Variants in ESRRG observed in about 807,000 individuals in gnomAD.
The protein encoded by ESRRG is estrogen related receptor gamma, also known as estrogen-related receptor gamma.
Under a neutral mutation model 44.0 loss-of-function variants are expected in ESRRG, and 13 were observed. The observed-to-expected ratio is 0.30, with a 90% confidence interval of 0.19 to 0.47. ESRRG has a LOEUF of 0.47. Among genes scored for constraint, ESRRG ranks in the 20% least tolerant of loss-of-function variants. The pLI is 1.00. For synonymous variants in ESRRG, 215 were observed against 214.6 expected, an observed-to-expected ratio of 1.00 and a Z score of -0.02; for missense variants, 395 against 580.6, an observed-to-expected ratio of 0.68 and a Z score of 3.29.
intron 3 of ESRRG, among the ~76,000 whole-genome samples, chr1:216,572,475 A>G (rs1412678300): frequency 6.6e-6 from 1 of 152,106 alleles, no homozygotes; most frequent in Non-Finnish European, 1.5e-5. Context: ...CAATAATGTT[A>G]TTTTAAATGG....
intron 1 of ESRRG, among the ~76,000 whole-genome samples, chr1:217,031,264 G>A (rs7522101): frequency 6.6e-5 from 10 of 152,160 alleles, no homozygotes; most frequent in African/African-American, 1.9e-4. Flanking sequence ...TCCAGAGTTC[G>A]GGTACTACAG....
chr1:217,125,340 C>A (rs151305808), intron 1 of ESRRG, among the ~76,000 whole-genome samples: 4 of 152,272 alleles, frequency 2.6e-5, no homozygotes, highest in African/African-American at 9.6e-5. Flanking sequence ...TACCATAGTC[C>A]TCTCTCAGAT....
intron 3 of ESRRG, among the ~76,000 whole-genome samples, chr1:216,577,487 C>A (rs2061894767): frequency 6.6e-6 from 1 of 151,926 alleles, no homozygotes; most frequent in Admixed American, 6.6e-5. Flanking sequence ...TCTACTAATT[C>A]ACAATTAAAT....
At chr1:216,866,976 A>C (rs2096175898) in intron 2 of ESRRG, among the ~76,000 whole-genome samples, 1 of 152,122 alleles carries the variant, frequency 6.6e-6, no homozygotes, top group African/African-American at 2.4e-5. Flanking sequence ...CATTTTCTTC[A>C]TCAGTCTTCA....
intron 2 of ESRRG, among the ~76,000 whole-genome samples, chr1:216,904,467 C>T (rs2059460639): frequency 6.6e-6 from 1 of 152,164 alleles, no homozygotes; most frequent in Admixed American, 6.5e-5. Context: ...TTGAAAAGCG[C>T]ACTTAGCGTC....
intron 2 of ESRRG, among the ~76,000 whole-genome samples, chr1:216,656,553 T>C (rs1405306222): frequency 1.3e-5 from 2 of 152,204 alleles, no homozygotes; most frequent in Non-Finnish European, 2.9e-5. Flanking sequence ...ACAGGGTGTA[T>C]GTAAAACTCC....
At chr1:217,025,479 A>T (rs1225285354) in intron 1 of ESRRG, among the ~76,000 whole-genome samples, 1 of 152,208 alleles carries the variant, frequency 6.6e-6, no homozygotes, top group Non-Finnish European at 1.5e-5. Context: ...ATTGGGAAAA[A>T]AGTATATGCA....
chr1:216,935,981 T>C (rs868717610), intron 2 of ESRRG, among the ~76,000 whole-genome samples: 6 of 152,032 alleles, frequency 3.9e-5, no homozygotes, highest in Non-Finnish European at 7.4e-5. Context: ...AATCTTCAGC[T>C]TCTCTCCCCT....
At chr1:216,511,165 TAAGGA>T in intron 6 of ESRRG, among the ~76,000 whole-genome samples, 1 of 152,040 alleles carries the variant, frequency 6.6e-6, no homozygotes, top group East Asian at 1.9e-4. Flanking sequence ...AGATGGGTAG[TAAGGA>T]AAGGGTGAAT....
At chr1:216,776,614 C>A (rs1231914428) in intron 2 of ESRRG, among the ~76,000 whole-genome samples, 2 of 152,104 alleles carry the variant, frequency 1.3e-5, no homozygotes, top group East Asian at 3.9e-4. Flanking sequence ...AGGTCAAGAT[C>A]CATTCAAATA....
At chr1:216,778,507 G>T (rs1308731981) in intron 2 of ESRRG, among the ~76,000 whole-genome samples, 1 of 151,874 alleles carries the variant, frequency 6.6e-6, no homozygotes, top group Admixed American at 6.6e-5. Context: ...GACAGTCAGG[G>T]TCTATAGATC....
At chr1:216,842,634 A>C (rs558615224) in intron 2 of ESRRG, among the ~76,000 whole-genome samples, 1 of 152,292 alleles carries the variant, frequency 6.6e-6, no homozygotes, top group Non-Finnish European at 1.5e-5. Context: ...CCAAGACTCT[A>C]ATTAAGTGGT....
intron 1 of ESRRG, among the ~76,000 whole-genome samples, chr1:217,068,024 A>G (rs1425952506): frequency 6.6e-6 from 1 of 152,150 alleles, no homozygotes; most frequent in Non-Finnish European, 1.5e-5. Flanking sequence ...CTCTCTTATT[A>G]CATGGTAAAG....
intron 2 of ESRRG, among the ~76,000 whole-genome samples, chr1:216,796,279 G>C (rs79482387): frequency 0.013 from 1,925 of 152,212 alleles, 52 homozygotes; most frequent in African/African-American, 0.044. Context: ...TTCCCCACTG[G>C]GCTCCCAGAT....
In ESRRG at chr1:216,608,601, A is replaced by G. The variant is rs1028876277; in HGVS notation, c.590-40503T>C. Among the ~76,000 whole-genome samples the G allele has an allele frequency of 7.9e-5, 12 of 152,302 alleles. No individual in the cohort carries two copies. In the South Asian group the frequency reaches 2.3e-3, roughly 29 times the overall value. ...GCCCTTGTGCATGGAATGTGTGGATATTCTAGAGCCCAGACACTGAACTCA... is the reference window on the plus strand; with the variant it reads ...GCCCTTGTGCATGGAATGTGTGGATGTTCTAGAGCCCAGACACTGAACTCA... On this transcript the variant is annotated intron_variant, in intron 3 of 6. Transcript: ENST00000408911.
chr1:216,856,352 AACACAC>A (rs5780935), intron 2 of ESRRG, among the ~76,000 whole-genome samples: 77 of 141,956 alleles, frequency 5.4e-4, no homozygotes, highest in African/African-American at 1.2e-3. Flanking sequence ...TTCTCTCTTC[AACACAC>A]ACACACACAC....
intron 1 of ESRRG, among the ~76,000 whole-genome samples, chr1:216,708,137 C>T (rs2082805683): frequency 6.6e-6 from 1 of 151,698 alleles, no homozygotes. Context: ...TGTGTTAAGA[C>T]AGTCGTAATT....
chr1:216,744,805 G>A (rs1032891002), intron 2 of ESRRG, among the ~76,000 whole-genome samples: 8 of 152,114 alleles, frequency 5.3e-5, no homozygotes, highest in South Asian at 2.1e-4. Flanking sequence ...TCATGATGTC[G>A]TCTGACTAGG....
chr1:216,914,421 T>C (rs1197078099), intron 2 of ESRRG, among the ~76,000 whole-genome samples: 1 of 152,170 alleles, frequency 6.6e-6, no homozygotes, highest in Non-Finnish European at 1.5e-5. Context: ...CTTTTTCCCA[T>C]TGTAAGTTAA....
Sources: allele counts gnomAD v4.1 joint callset (sites outside exome capture counted in the v4.1 genomes callset), GRCh38; gene constraint gnomAD v4.1.1; transcripts MANE v1.5; gene names NCBI Gene and HGNC (gene_info 2026-07-23, HGNC 2026-07-21).